AIG1: variants seen among roughly 807,000 people sequenced by gnomAD.
AIG1 encodes androgen induced 1.
AIG1 carries 23 observed loss-of-function variants against 31.4 expected under a neutral mutation model. The ratio of observed to expected loss-of-function variants is 0.73; its 90% CI spans 0.53 to 1.04. The LOEUF is 1.04. Among genes scored for constraint, AIG1 ranks in the 50% least tolerant of loss-of-function variants. The pLI, the probability that AIG1 is intolerant of heterozygous loss-of-function variation, is 0.00. For synonymous variants in AIG1, 100 were observed against 110.5 expected (o/e 0.90, Z 0.60); for missense variants, 274 against 295.0 (o/e 0.93, Z 0.52).
At chr6:143,200,207 C>T (rs1051901260) in intron 3 of AIG1, among the ~76,000 whole-genome samples, 14 of 152,134 alleles carry the variant, frequency 9.2e-5, no homozygotes, top group African/African-American at 3.4e-4. Flanking sequence ...CGTGGATAGT[C>T]AGCTGCTGAA....
At chr6:143,342,323 C>T (rs192145967), downstream of AIG1, 4 of 676,026 alleles carry the variant, frequency 5.9e-6, no homozygotes, top group Non-Finnish European at 8.1e-6. Flanking sequence ...GCAGCAGCTG[C>T]GAGGAGCTCA....
Position 143,292,804 on chromosome 6 carries a change from A to G in AIG1, c.515+8579A>G, listed in dbSNP as rs887668456. On this transcript the variant is annotated intron_variant, in intron 4 of 5. Transcript: ENST00000357847. This position sits in a 1 kb window ranked among gnomAD's most constrained non-coding sequence, Gnocchi z 4.9. ...GTGAGCATCAGAAAAATGGGTATAC[A>G]ATGTCCAGCACCTAACTGGCACTCA... Among the ~76,000 whole-genome samples the G allele has an allele frequency of 6.6e-6, 1 of 152,160 alleles. No homozygotes were observed. Among genetic ancestry groups the G allele is most frequent in the African/African-American group, 2.4e-5 (1 of 41,424 alleles).
At chr6:143,149,554 A>T in intron 2 of AIG1, among the ~76,000 whole-genome samples, 1 of 151,270 alleles carries the variant, frequency 6.6e-6, no homozygotes, top group East Asian at 1.9e-4. Flanking sequence ...AAAAAAAAAA[A>T]AAAGAAAGAA....
At chr6:143,121,690 T>C (rs901884477) in intron 1 of AIG1, among the ~76,000 whole-genome samples, 1 of 152,238 alleles carries the variant, frequency 6.6e-6, no homozygotes, top group Non-Finnish European at 1.5e-5. Flanking sequence ...TCATAAACCA[T>C]AGGTATTTTA....
intron 3 of AIG1, among the ~76,000 whole-genome samples, chr6:143,273,382 C>T (rs1378452150): frequency 6.6e-6 from 1 of 152,190 alleles, no homozygotes; most frequent in Non-Finnish European, 1.5e-5. Flanking sequence ...TGTCACTTTT[C>T]CGTGCTCTTT....
intron 3 of AIG1, among the ~76,000 whole-genome samples, chr6:143,193,808 G>A (rs1343202674): frequency 6.6e-6 from 1 of 152,144 alleles, no homozygotes; most frequent in African/African-American, 2.4e-5. Flanking sequence ...CTTTTAGATA[G>A]TATTTATTGA....
downstream of AIG1, chr6:143,342,367 G>T (rs183922844): frequency 1.7e-4 from 115 of 676,092 alleles, 2 homozygotes; most frequent in East Asian, 2.9e-3. Flanking sequence ...CTGCTTAGAC[G>T]CAGGTTTAAC....
chr6:143,194,580 CTATT>C (rs1324200196), intron 3 of AIG1, among the ~76,000 whole-genome samples: 1 of 152,202 alleles, frequency 6.6e-6, no homozygotes, highest in Non-Finnish European at 1.5e-5. Context: ...TCGAATCCAT[CTATT>C]TATTTGGATA....
At chr6:143,181,652 GA>G (rs747757758) in intron 3 of AIG1, among the ~76,000 whole-genome samples, 18 of 152,080 alleles carry the variant, frequency 1.2e-4, no homozygotes, top group Non-Finnish European at 1.9e-4. Flanking sequence ...TTATAAACTG[GA>G]AAAAATGTAT....
Position 143,060,922 on chromosome 6 carries a change from G to T in AIG1, c.-4G>T. 1 of 1,604,166 alleles carries T rather than the reference G, an allele frequency of 6.2e-7. No homozygotes were observed. Among genetic ancestry groups the T allele is most frequent in the Non-Finnish European group, 8.5e-7 (1 of 1,176,618 alleles). Reference sequence around the variant, plus strand: ...CGCCCAGCCGGTCCAGGCCTCTGGCGAACATGGCGCTTGTCCCCTGCCAGG... The same window carrying T: ...CGCCCAGCCGGTCCAGGCCTCTGGCTAACATGGCGCTTGTCCCCTGCCAGG... On this transcript the variant is annotated 5_prime_UTR_variant, in exon 1 of 6. Transcript: ENST00000357847.
rs146930769 is a variant in AIG1 at position 143,136,855 on chromosome 6, T to G, written c.162T>G (p.Phe54Leu). The change falls in exon 2 of 6, where the codon TTT (phenylalanine) becomes TTG (leucine). Residue 54 changes from phenylalanine to leucine, a missense_variant. Coordinates refer to ENST00000357847, the MANE Select transcript of AIG1 (RefSeq NM_016108.4). The part of the protein sequence containing the change: ...FIDLVIQAVF[F>L]GICVLTDLSS... ...TACAGGTTATCCAGGCTGTCTTTTT[T>G]GGCATCTGTGTGCTGACTGATCTTT... The G allele has an allele frequency of 1.2e-5, 18 of 1,456,010 alleles. No individual in the cohort carries two copies. The African/African-American group carries it at 2.4e-4, about 20-fold the overall frequency. The allele number at this position is 1,456,010 out of a possible 1,614,324, so 90.2% of individuals were successfully genotyped here. A position where few individuals can be genotyped will look rare whatever the true frequency, so the allele number is the denominator to read the frequency against.
At chr6:143,255,149 T>C (rs1659593013) in intron 3 of AIG1, among the ~76,000 whole-genome samples, 1 of 152,180 alleles carries the variant, frequency 6.6e-6, no homozygotes, top group East Asian at 1.9e-4. Context: ...TGCTTCGTAA[T>C]ACACAACAGT....
chr6:143,328,653 A>G lies in AIG1; in HGVS notation c.516-4629A>G, dbSNP rs1487461702. 6.6e-6 allele frequency among the ~76,000 whole-genome samples: 1 copy of G among 152,180 alleles called. No individual in the cohort carries two copies. Among genetic ancestry groups the G allele is most frequent in the Non-Finnish European group, 1.5e-5 (1 of 68,022 alleles). On this transcript the variant is annotated intron_variant, in intron 4 of 5. Transcript: ENST00000357847. This position sits in a 1 kb window ranked among gnomAD's most constrained non-coding sequence, Gnocchi z 4.0. ...TACACAGTTTCAAGGTATATGTGTA[A>G]TTTAATTCATTCATATAAGCCATTT...
chr6:143,167,604 A>G (rs923237324), intron 3 of AIG1, among the ~76,000 whole-genome samples: 1 of 152,208 alleles, frequency 6.6e-6, no homozygotes, highest in African/African-American at 2.4e-5. Context: ...CAAATGGCTT[A>G]TGAAGCATGT....
At chr6:143,073,396 G>A (rs1777465777) in intron 1 of AIG1, among the ~76,000 whole-genome samples, 1 of 152,164 alleles carries the variant, frequency 6.6e-6, no homozygotes, top group Non-Finnish European at 1.5e-5. Flanking sequence ...CAGAAGAGGG[G>A]TTGCTGGGTA....
intron 1 of AIG1, among the ~76,000 whole-genome samples, chr6:143,096,018 TG>T (rs1158327456): frequency 6.7e-6 from 1 of 149,546 alleles, no homozygotes; most frequent in Non-Finnish European, 1.5e-5. Flanking sequence ...GCTATTCTCC[TG>T]CCTCAGCCTC....
At chr6:143,094,471 A>G (rs1356616801) in intron 1 of AIG1, 1 of 152,184 alleles carries the variant, frequency 6.6e-6, no homozygotes, top group Non-Finnish European at 1.5e-5. Flanking sequence ...TGTAGTTTCT[A>G]TTTTATGTAC....
At chr6:143,219,208 G>A (rs955990957) in intron 3 of AIG1, among the ~76,000 whole-genome samples, 3 of 152,188 alleles carry the variant, frequency 2.0e-5, no homozygotes, top group Non-Finnish European at 4.4e-5. Context: ...AAGCAGATGG[G>A]AAACATTAAA....
intron 1 of AIG1, among the ~76,000 whole-genome samples, chr6:143,107,440 A>G (rs1207292511): frequency 6.6e-6 from 1 of 152,220 alleles, no homozygotes; most frequent in Non-Finnish European, 1.5e-5. Context: ...TGTAGAAGCT[A>G]GCTGTATAAA....
Sources: gnomAD v4.1 joint callset for allele counts (sites outside exome capture counted in the v4.1 genomes callset) on GRCh38, gnomAD v4.1.1 for gene constraint, Gnocchi (gnomAD v3.1) non-coding constraint, MANE v1.5 for transcripts, NCBI Gene and HGNC (gene_info 2026-07-23, HGNC 2026-07-21) for gene names.